TSPEAR: variants seen among roughly 807,000 people sequenced by gnomAD.
TSPEAR encodes thrombospondin type laminin G domain and EAR repeats.
In TSPEAR, 69 loss-of-function variants were observed where a neutral mutation model predicts 71.6. The ratio of observed to expected loss-of-function variants is 0.96; its 90% CI spans 0.79 to 1.18. TSPEAR has a LOEUF of 1.18. Among genes scored for constraint, TSPEAR ranks in the 50% most tolerant of loss-of-function variants. TSPEAR has a pLI of 0.00. For missense variants in TSPEAR, 971 were observed against 894.9 expected, an observed-to-expected ratio of 1.09 and a Z score of -1.09; for synonymous variants, 402 against 387.2, an observed-to-expected ratio of 1.04 and a Z score of -0.45.
intron 1 of TSPEAR, chr21:44,690,567 G>A: frequency 3.0e-6 from 3 of 985,456 alleles, no homozygotes; most frequent in Non-Finnish European, 3.6e-6. Context: ...ATGATGTCCG[G>A]GAGGTCAGCA....
At chr21:44,654,582 TG>T (rs1985018793) in intron 1 of TSPEAR, 1 of 1,597,114 alleles carries the variant, frequency 6.3e-7, no homozygotes, top group African/African-American at 1.3e-5. Flanking sequence ...GGCAGGCCAT[TG>T]GGCAGCCCGA....
At chr21:44,669,119 T>A (rs1985930893) in intron 1 of TSPEAR, among the ~76,000 whole-genome samples, 1 of 152,150 alleles carries the variant, frequency 6.6e-6, no homozygotes, top group African/African-American at 2.4e-5. Flanking sequence ...GAGACATCAT[T>A]AAACAGCATC....
chr21:44,664,115 A>C (rs1555944246), intron 1 of TSPEAR, among the ~76,000 whole-genome samples: 1 of 152,170 alleles, frequency 6.6e-6, no homozygotes, highest in Non-Finnish European at 1.5e-5. Context: ...AGTGAAGTAA[A>C]AAGCATGCAG....
intron 1 of TSPEAR, among the ~76,000 whole-genome samples, chr21:44,626,329 T>C (rs587750840): frequency 6.6e-6 from 1 of 152,182 alleles, no homozygotes; most frequent in South Asian, 2.1e-4. Flanking sequence ...GCCGTGAGAG[T>C]TGCCTGTGGC....
At chr21:44,681,651 G>A (rs141840336) in intron 1 of TSPEAR, 1 of 783,990 alleles carries the variant, frequency 1.3e-6, no homozygotes. Context: ...TTCCCTGGGG[G>A]GATAGGCAAG....
chr21:44,710,341 C>T lies in TSPEAR; in HGVS notation c.82+1092G>A, dbSNP rs1988153402. ...GTTCCAGCACGGAAGGTCTACCTACCTCCCACTGCACAGCCCGAGGGCTGT... is the reference window on the plus strand; with the variant it reads ...GTTCCAGCACGGAAGGTCTACCTACTTCCCACTGCACAGCCCGAGGGCTGT... On this transcript the variant is annotated intron_variant, in intron 1 of 11. Coordinates refer to ENST00000323084, the MANE Select transcript of TSPEAR (RefSeq NM_144991.3). The surrounding 1 kb of genome is among the most constrained non-coding windows in gnomAD (Gnocchi z 4.6). Among the ~76,000 whole-genome samples, 1 of 152,134 alleles carries T rather than the reference C, an allele frequency of 6.6e-6. No homozygotes were observed. Among genetic ancestry groups the T allele is most frequent in the Non-Finnish European group, 1.5e-5 (1 of 68,014 alleles).
intron 1 of TSPEAR, chr21:44,574,667 C>T (rs200495417): frequency 1.9e-6 from 3 of 1,602,986 alleles, no homozygotes; most frequent in Non-Finnish European, 2.6e-6. Flanking sequence ...AGTCTAGCTG[C>T]CAGCCAGCTT....
Position 44,498,411 on chromosome 21 carries a change from G to C in TSPEAR, c.*1372C>G, listed in dbSNP as rs1555910746. ...TTGGGAAAGCCTTGCTGGCTGGACG[G>C]AGGGGAAGGAGGCTCTCGGCGACTG... On this transcript the variant is annotated 3_prime_UTR_variant, in exon 12 of 12. Coordinates refer to ENST00000323084, the MANE Select transcript of TSPEAR (RefSeq NM_144991.3). The C allele has an allele frequency of 6.6e-6, 1 of 152,258 alleles. No homozygotes were observed. Among genetic ancestry groups the C allele is most frequent in the Non-Finnish European group, 1.5e-5 (1 of 68,058 alleles). The allele number at this position is 152,258 out of a possible 1,614,324, so 9.4% of individuals were successfully genotyped here.
chr21:44,654,348 A>C (rs1555942076), intron 1 of TSPEAR: 2 of 1,614,126 alleles, frequency 1.2e-6, no homozygotes, highest in Non-Finnish European at 1.7e-6. Context: ...GGCAGCACCC[A>C]GAGGTTGGGC....
intron 1 of TSPEAR, among the ~76,000 whole-genome samples, chr21:44,610,430 T>C (rs1981586950): frequency 6.6e-6 from 1 of 152,196 alleles, no homozygotes; most frequent in Admixed American, 6.5e-5. Context: ...CTTGGCAGCT[T>C]CCATGTTGCG....
intron 1 of TSPEAR, chr21:44,580,147 G>T: frequency 6.2e-7 from 1 of 1,613,758 alleles, no homozygotes; most frequent in South Asian, 1.1e-5. Flanking sequence ...CCTCAGAACA[G>T]GTGGGCACAC....
At chr21:44,597,222 T>C (rs1409421283) in intron 1 of TSPEAR, among the ~76,000 whole-genome samples, 1 of 152,112 alleles carries the variant, frequency 6.6e-6, no homozygotes, top group Non-Finnish European at 1.5e-5. Context: ...GCTATGTAAT[T>C]AGATACATGC....
chr21:44,608,534 T>C (rs1441858284), intron 1 of TSPEAR, among the ~76,000 whole-genome samples: 3 of 152,242 alleles, frequency 2.0e-5, no homozygotes, highest in Non-Finnish European at 4.4e-5. Flanking sequence ...TCAGAATACA[T>C]AATAAATTTC....
intron 6 of TSPEAR, among the ~76,000 whole-genome samples, chr21:44,527,865 G>A (rs1007119607): frequency 3.3e-5 from 5 of 152,154 alleles, no homozygotes; most frequent in African/African-American, 4.8e-5. Context: ...CATTTCCCAC[G>A]GGTAACCTGT....
rs1555911406 is a variant in TSPEAR, at chr21:44,503,325, T to TCGG, written c.1856+1454_1856+1455insCCG. 3.5e-4 allele frequency among the ~76,000 whole-genome samples: 48 copies of TCGG among 138,360 alleles called. 3 individuals carry two copies. Among genetic ancestry groups the TCGG allele is most frequent in the African/African-American group, 1.1e-3 (41 of 36,930 alleles). 90.8% of individuals were successfully genotyped at this position (138,360 alleles called of 152,430 possible). A position where few individuals can be genotyped will look rare whatever the true frequency, so the allele number is the denominator to read the frequency against. The stretch of plus-strand genomic sequence containing the variant: ...GCAAGGCTCTGGGAGGAGGCCGGCC[T>TCGG]TGGTGAGCCCTCGGGGGGAAGCAAG... On this transcript the variant is annotated intron_variant, in intron 11 of 11. Coordinates refer to ENST00000323084, the MANE Select transcript of TSPEAR (RefSeq NM_144991.3).
At chr21:44,656,122 C>G (rs1212731210) in intron 1 of TSPEAR, among the ~76,000 whole-genome samples, 3 of 152,176 alleles carry the variant, frequency 2.0e-5, no homozygotes, top group Admixed American at 1.3e-4. Flanking sequence ...CAGAATCACA[C>G]TTAAAAACCA....
chr21:44,545,799 A>T (rs587643382), intron 2 of TSPEAR, among the ~76,000 whole-genome samples: 13 of 151,732 alleles, frequency 8.6e-5, no homozygotes, highest in East Asian at 5.8e-4. Context: ...CTTACATTTT[A>T]AAAAAAAATA....
At chr21:44,657,117 G>A (rs1270743328) in intron 1 of TSPEAR, among the ~76,000 whole-genome samples, 1 of 151,990 alleles carries the variant, frequency 6.6e-6, no homozygotes, top group African/African-American at 2.4e-5. Flanking sequence ...TCTCCTCACA[G>A]ACGCCCCCCA....
intron 1 of TSPEAR, among the ~76,000 whole-genome samples, chr21:44,640,127 G>A (rs1361846210): frequency 6.6e-6 from 1 of 152,182 alleles, no homozygotes; most frequent in Non-Finnish European, 1.5e-5. Flanking sequence ...GAAGTGGAAA[G>A]AGCCCAAATG....
Sources: allele counts gnomAD v4.1 joint callset (sites outside exome capture counted in the v4.1 genomes callset), GRCh38; gene constraint gnomAD v4.1.1; non-coding constraint Gnocchi (gnomAD v3.1); transcripts MANE v1.5; gene names NCBI Gene and HGNC (gene_info 2026-07-23, HGNC 2026-07-21).